BEND7: variants seen among roughly 807,000 people sequenced by gnomAD.
BEND7 encodes the protein BEN domain containing 7.
A neutral mutation model predicts 50.9 loss-of-function variants in BEND7; 28 were observed. The ratio of observed to expected loss-of-function variants is 0.55; its 90% CI spans 0.41 to 0.75. The LOEUF (loss-of-function observed/expected upper bound fraction) is 0.75, where lower values mean the gene tolerates loss of function less well. Among genes scored for constraint, BEND7 ranks in the 30% least tolerant of loss-of-function variants. The pLI is 0.00. For missense variants in BEND7, 477 were observed against 491.3 expected, an observed-to-expected ratio of 0.97 and a Z score of 0.28; for synonymous variants, 170 against 183.9, an observed-to-expected ratio of 0.92 and a Z score of 0.61.
intron 6 of BEND7, among the ~76,000 whole-genome samples, chr10:13,454,212 G>T (rs768195118): frequency 1.1e-4 from 16 of 152,160 alleles, no homozygotes; most frequent in Non-Finnish European, 2.2e-4. Flanking sequence ...TTGGTTTGGA[G>T]CATGCTGTTA....
intron 1 of BEND7, among the ~76,000 whole-genome samples, 172 bp downstream of exon 1, chr10:13,528,301 C>A (rs1190407312): frequency 6.6e-6 from 1 of 151,750 alleles, no homozygotes; most frequent in East Asian, 1.9e-4. Context: ...GCACAACTTT[C>A]CCCGCCGCCC....
At chr10:13,483,800 G>C (rs1466758419) in intron 5 of BEND7, among the ~76,000 whole-genome samples, 1 of 152,206 alleles carries the variant, frequency 6.6e-6, no homozygotes, top group Non-Finnish European at 1.5e-5. Context: ...GTCTGAGACA[G>C]CATCAGGCAG....
chr10:13,474,653 C>T (rs2075287138), intron 6 of BEND7, among the ~76,000 whole-genome samples: 1 of 152,162 alleles, frequency 6.6e-6, no homozygotes, highest in African/African-American at 2.4e-5. Context: ...CGATACCCGT[C>T]ATCGCTGTTG....
chr10:13,447,437 C>A, intron 7 of BEND7, 121 bp from the exon 8 acceptor site: 1 of 876,992 alleles, frequency 1.1e-6, no homozygotes, highest in Non-Finnish European at 1.8e-6. Context: ...CCATTCTTTT[C>A]TGTTTTCAGC....
intron 8 of BEND7, 110 bp from the exon 9 acceptor site, chr10:13,441,860 T>C (rs1835375600): frequency 1.8e-6 from 2 of 1,093,338 alleles, no homozygotes; most frequent in Non-Finnish European, 2.7e-6. Context: ...ACCTTCCTTG[T>C]AGCCCCCCAA....
At chr10:13,455,578 G>C (rs1035876540) in intron 6 of BEND7, among the ~76,000 whole-genome samples, 3 of 152,136 alleles carry the variant, frequency 2.0e-5, no homozygotes, top group African/African-American at 7.2e-5. Flanking sequence ...TGACGTGCAG[G>C]CTGAGGGAGC....
intron 6 of BEND7, among the ~76,000 whole-genome samples, chr10:13,461,597 G>A (rs1840222833): frequency 6.6e-6 from 1 of 152,168 alleles, no homozygotes; most frequent in Non-Finnish European, 1.5e-5. Context: ...GCTGGGCGTG[G>A]TGGTGCACAC....
chr10:13,473,073 G>T (rs888656258), intron 6 of BEND7, among the ~76,000 whole-genome samples: 1 of 150,780 alleles, frequency 6.6e-6, no homozygotes, highest in African/African-American at 2.5e-5. Context: ...GCTATTAAGA[G>T]TAGGGACTGA....
chr10:13,521,207 G>A (rs1377270877), intron 2 of BEND7, among the ~76,000 whole-genome samples: 2 of 152,108 alleles, frequency 1.3e-5, no homozygotes, highest in Admixed American at 6.5e-5. Context: ...TGGGGGTTCC[G>A]CTTGGGAGCA....
At chr10:13,512,985 CA>C (rs2078388111) in intron 2 of BEND7, among the ~76,000 whole-genome samples, 1 of 151,990 alleles carries the variant, frequency 6.6e-6, no homozygotes, top group African/African-American at 2.4e-5. Flanking sequence ...TGGTTCACAG[CA>C]AAAAATACAT....
Position 13,474,228 on chromosome 10 carries a change from C to T in BEND7, c.1063+6671G>A, listed in dbSNP as rs137951188. ...TAGACTCGGGGCCGACATCCGTCATCGCTGTTAGACTCGGGGTCGACACCC... is the reference window on the plus strand; with the variant it reads ...TAGACTCGGGGCCGACATCCGTCATTGCTGTTAGACTCGGGGTCGACACCC... On this transcript the variant is annotated intron_variant, in intron 6 of 8. Transcript: ENST00000466271. Among the ~76,000 whole-genome samples, 296 of 152,080 alleles carry T rather than the reference C, an allele frequency of 1.9e-3. 3 individuals are homozygous for T. In the Middle Eastern group the frequency reaches 0.024, roughly 12 times the overall value.
chr10:13,460,890 C>T (rs1840076780), intron 6 of BEND7, among the ~76,000 whole-genome samples: 1 of 152,200 alleles, frequency 6.6e-6, no homozygotes, highest in Non-Finnish European at 1.5e-5. Context: ...ATCCACCACA[C>T]ATAATGTGCC....
intron 6 of BEND7, among the ~76,000 whole-genome samples, chr10:13,473,803 C>T (rs1269182299): frequency 3.3e-5 from 5 of 149,994 alleles, no homozygotes; most frequent in Admixed American, 6.6e-5. Flanking sequence ...ATTGTTGTTA[C>T]ACTCAGGGCT....
intron 6 of BEND7, among the ~76,000 whole-genome samples, chr10:13,462,289 T>C (rs147201764): frequency 2.0e-5 from 3 of 152,220 alleles, no homozygotes; most frequent in Admixed American, 6.5e-5. Context: ...GGCCTCACAA[T>C]CACCGTGGAA....
intron 2 of BEND7, among the ~76,000 whole-genome samples, chr10:13,524,312 G>A (rs1465501024): frequency 1.3e-5 from 2 of 152,150 alleles, no homozygotes; most frequent in Admixed American, 6.6e-5. Flanking sequence ...TCGTTATTTC[G>A]AATGGCTATA....
At chr10:13,520,337 C>A (rs2078999099) in intron 2 of BEND7, among the ~76,000 whole-genome samples, 1 of 152,082 alleles carries the variant, frequency 6.6e-6, no homozygotes, top group South Asian at 2.1e-4. Context: ...TCCTGCCCAC[C>A]CCATTCCTTC....
chr10:13,515,085 T>C (rs181854068), intron 2 of BEND7, among the ~76,000 whole-genome samples: 80 of 152,312 alleles, frequency 5.3e-4, no homozygotes, highest in African/African-American at 1.9e-3. Flanking sequence ...CAAGAACACA[T>C]CACTTATTTT....
intron 6 of BEND7, among the ~76,000 whole-genome samples, chr10:13,456,126 C>T (rs1422497351): frequency 6.6e-6 from 1 of 152,158 alleles, no homozygotes; most frequent in Non-Finnish European, 1.5e-5. Flanking sequence ...CTCTACTCCT[C>T]CCCTATCCTT....
intron 7 of BEND7, among the ~76,000 whole-genome samples, chr10:13,448,972 C>CAAAAA (rs35336154): frequency 3.5e-5 from 2 of 56,664 alleles, no homozygotes; most frequent in Non-Finnish European, 3.7e-5. Context: ...GACTCCATCT[C>CAAAAA]AAAAAAAAAA....
Sources: gnomAD v4.1 joint callset for allele counts (sites outside exome capture counted in the v4.1 genomes callset) on GRCh38, gnomAD v4.1.1 for gene constraint, MANE v1.5 for transcripts, NCBI Gene and HGNC (gene_info 2026-07-23, HGNC 2026-07-21) for gene names.